Variants in SAP130 observed in about 807,000 individuals in gnomAD.
SAP130 encodes the protein Sin3A associated protein 130.
SAP130 carries 16 observed loss-of-function variants against 103.2 expected under a neutral mutation model. The observed-to-expected ratio is 0.16, with a 90% CI of 0.10 to 0.24. The LOEUF (loss-of-function observed/expected upper bound fraction) is 0.24. Among genes scored for constraint, SAP130 ranks in the 10% least tolerant of loss-of-function variants. The pLI is 1.00. For synonymous variants in SAP130, 477 were observed against 497.0 expected, an observed-to-expected ratio of 0.96 and a Z score of 0.53; for missense variants, 990 against 1,359.7, an observed-to-expected ratio of 0.73 and a Z score of 4.28.
intron 15 of SAP130, among the ~76,000 whole-genome samples, chr2:127,977,091 G>C (rs774024587): frequency 2.0e-5 from 3 of 152,126 alleles, no homozygotes; most frequent in Non-Finnish European, 4.4e-5. Context: ...AATGTGGGTA[G>C]AGAATGAGAC....
Position 127,941,846 on chromosome 2 carries a change from T to A in SAP130, c.*160A>T. The stretch of plus-strand genomic sequence containing the variant: ...CACTATGTCCAGTCAGCTCTGATCC[T>A]TTCACGCCCTTGGATGTCATGGGTT... On this transcript the variant is annotated 3_prime_UTR_variant, in exon 21 of 21. Transcript: ENST00000643581. 2.9e-6 allele frequency: 2 copies of A among 684,982 alleles called. No homozygotes were observed. The highest frequency in any genetic ancestry group is 4.9e-6 in the Non-Finnish European group (2 of 406,648). The allele number at this position is 684,982 out of a possible 1,614,324, so 42.4% of individuals were successfully genotyped here. A position where few individuals can be genotyped will look rare whatever the true frequency, so the allele number is the denominator to read the frequency against.
At chr2:127,965,759 C>T (rs920592002) in intron 15 of SAP130, among the ~76,000 whole-genome samples, 1 of 152,066 alleles carries the variant, frequency 6.6e-6, no homozygotes, top group African/African-American at 2.4e-5. Flanking sequence ...CACTGCACTC[C>T]AGACTGGGCG....
intron 15 of SAP130, among the ~76,000 whole-genome samples, chr2:127,967,777 G>A (rs1422612494): frequency 6.6e-6 from 1 of 152,104 alleles, no homozygotes; most frequent in Non-Finnish European, 1.5e-5. Flanking sequence ...CAGAGGACTG[G>A]AACACTAAAC....
chr2:128,008,626 C>T (rs932205890), intron 7 of SAP130, among the ~76,000 whole-genome samples: 1 of 151,070 alleles, frequency 6.6e-6, no homozygotes, highest in Admixed American at 6.6e-5. Context: ...CCACCTTGGC[C>T]TCCAAAAGCA....
chr2:127,960,058 T>C (rs1264248764), intron 15 of SAP130, among the ~76,000 whole-genome samples: 3 of 152,122 alleles, frequency 2.0e-5, no homozygotes, highest in African/African-American at 7.2e-5. Flanking sequence ...GCATCTGCCT[T>C]AGAATCAATG....
intron 7 of SAP130, among the ~76,000 whole-genome samples, chr2:128,004,923 T>A (rs1683849827): frequency 1.3e-5 from 2 of 152,058 alleles, no homozygotes; most frequent in Admixed American, 1.3e-4. Context: ...GGATCCAGAA[T>A]AAAGCCAATC....
In SAP130 at chr2:127,996,290, T is replaced by C. The variant is rs576019927; in HGVS notation, c.1355+60A>G. The stretch of plus-strand genomic sequence containing the variant: ...ATTTGTGGGACACTTTGTTTTATGC[T>C]GATAAAGCAGAACGATTAATGACAC... On this transcript the variant is annotated intron_variant, in intron 11 of 20. Transcript: ENST00000643581. This position sits in a 1 kb window ranked among gnomAD's most constrained non-coding sequence, Gnocchi z 4.3. 2.1e-6 allele frequency: 3 copies of C among 1,416,816 alleles called. 1 individual carries two copies. In the South Asian group the frequency reaches 5.0e-5, roughly 24 times the overall value. The allele number at this position is 1,416,816 out of a possible 1,614,324, so 87.8% of individuals were successfully genotyped here. A position where few individuals can be genotyped will look rare whatever the true frequency, so the allele number is the denominator to read the frequency against.
At chr2:128,010,221 A>G in intron 7 of SAP130, 48 bp downstream of exon 7, 1 of 1,566,800 alleles carries the variant, frequency 6.4e-7, no homozygotes. Context: ...AAAAGAGTGA[A>G]GGAGGAGGAT....
At chr2:128,000,259 G>C in intron 8 of SAP130, 48 bp downstream of exon 8, 1 of 1,612,272 alleles carries the variant, frequency 6.2e-7, no homozygotes, top group Non-Finnish European at 8.5e-7. Flanking sequence ...GCCCACTTTT[G>C]GTTTTACCCA....
chr2:127,976,448 C>T (rs528023437), intron 15 of SAP130, among the ~76,000 whole-genome samples: 1 of 152,238 alleles, frequency 6.6e-6, no homozygotes, highest in South Asian at 2.1e-4. Context: ...GCTCTATAGC[C>T]CCACATCCTA....
At chr2:127,960,067 T>A (rs544365248) in intron 15 of SAP130, among the ~76,000 whole-genome samples, 1 of 152,216 alleles carries the variant, frequency 6.6e-6, no homozygotes, top group East Asian at 1.9e-4. Context: ...TTAGAATCAA[T>A]GAGGCCGAAG....
Position 127,959,382 on chromosome 2 carries a change from G to A in SAP130, c.2064-4038C>T, listed in dbSNP as rs941365058. 3.3e-5 allele frequency among the ~76,000 whole-genome samples: 5 copies of A among 152,280 alleles called. No individual in the cohort carries two copies. The South Asian group carries it at 6.2e-4, about 19-fold the overall frequency. ...AATAATTGCTATACTCCAGTGAAAC[G>A]TCACAGAAACAACTGCGGCCTTGGC... On this transcript the variant is annotated intron_variant, in intron 15 of 20. Transcript: ENST00000643581.
At position 127,953,172 on chromosome 2, in the gene SAP130, C is replaced by CA. The variant is rs1047605352; in HGVS notation, c.2422+1813dup. ...CAGGCTTTCCTAATTCAGCCAATGGCAACTCTATGGCTTCCAGTTGCTAAG... is the reference window on the plus strand; with the variant it reads ...CAGGCTTTCCTAATTCAGCCAATGGCAAACTCTATGGCTTCCAGTTGCTAAG... On this transcript the variant is annotated intron_variant, in intron 16 of 20. Transcript: ENST00000643581. This position sits in a 1 kb window ranked among gnomAD's most constrained non-coding sequence, Gnocchi z 4.0. Among the ~76,000 whole-genome samples the CA allele has an allele frequency of 2.0e-5, 3 of 152,188 alleles. No homozygotes were observed. The highest frequency in any genetic ancestry group is 7.2e-5 in the African/African-American group (3 of 41,448).
At chr2:128,016,661 A>C in intron 3 of SAP130, 114 bp from the exon 4 acceptor site, 4 of 1,136,160 alleles carry the variant, frequency 3.5e-6, no homozygotes, top group Non-Finnish European at 5.0e-6. Context: ...AAGATGCCGT[A>C]AGCTTTATAC....
intron 2 of SAP130, among the ~76,000 whole-genome samples, chr2:128,020,795 T>TC (rs1194243166): frequency 6.6e-6 from 1 of 151,090 alleles, no homozygotes; most frequent in Admixed American, 6.6e-5. Flanking sequence ...GGTCAGGAGT[T>TC]CAAGACCATC....
chr2:128,024,485 C>T (rs952772594), intron 2 of SAP130, among the ~76,000 whole-genome samples: 14 of 151,868 alleles, frequency 9.2e-5, no homozygotes, highest in South Asian at 2.1e-4. Context: ...AGGCTGAGAA[C>T]GGAGGATTAC....
intron 19 of SAP130, among the ~76,000 whole-genome samples, chr2:127,943,299 G>A (rs1678837365): frequency 6.6e-6 from 1 of 152,194 alleles, no homozygotes; most frequent in African/African-American, 2.4e-5. Flanking sequence ...TGGTGAAGGA[G>A]GGATTCTTGC....
At chr2:127,973,040 C>A (rs968597966) in intron 15 of SAP130, among the ~76,000 whole-genome samples, 1 of 152,186 alleles carries the variant, frequency 6.6e-6, no homozygotes, top group Admixed American at 6.5e-5. Flanking sequence ...GGGAAACAGT[C>A]ACTTTTTCTG....
intron 7 of SAP130, among the ~76,000 whole-genome samples, chr2:128,010,031 T>C (rs780789887): frequency 3.3e-5 from 5 of 152,088 alleles, no homozygotes; most frequent in Non-Finnish European, 5.9e-5. Flanking sequence ...TCCAAAGCAC[T>C]TTTCACCATC....
Sources: allele counts gnomAD v4.1 joint callset (sites outside exome capture counted in the v4.1 genomes callset), GRCh38; gene constraint gnomAD v4.1.1; non-coding constraint Gnocchi (gnomAD v3.1); transcripts MANE v1.5; gene names NCBI Gene and HGNC (gene_info 2026-07-23, HGNC 2026-07-21).